APBA1: variants seen among roughly 807,000 people sequenced by gnomAD.
The protein encoded by APBA1 is amyloid beta precursor protein binding family A member 1.
APBA1 carries 55 observed loss-of-function variants against 86.6 expected under a neutral mutation model. The observed-to-expected ratio is 0.64, with a 90% CI of 0.51 to 0.80. The LOEUF (loss-of-function observed/expected upper bound fraction) is 0.80, where lower values mean the gene tolerates loss of function less well. APBA1 is among the 30% of genes least tolerant of loss of function. The probability of loss-of-function intolerance (pLI) is 0.00; values close to 1 mark genes in which losing one functional copy is unlikely to be tolerated. For synonymous variants in APBA1, 511 were observed against 493.9 expected (o/e 1.03, Z -0.46); for missense variants, 1,090 against 1,183.0 (o/e 0.92, Z 1.15).
At chr9:69,484,035 AT>A (rs2133849758) in intron 2 of APBA1, among the ~76,000 whole-genome samples, 1 of 151,990 alleles carries the variant, frequency 6.6e-6, no homozygotes, top group African/African-American at 2.4e-5. Flanking sequence ...GTACGATTCT[AT>A]TTTTTCCCCC....
chr9:69,473,751 TA>T (rs918348975), intron 3 of APBA1, among the ~76,000 whole-genome samples: 3 of 151,426 alleles, frequency 2.0e-5, no homozygotes, highest in South Asian at 2.1e-4. Flanking sequence ...TTACCATCTT[TA>T]AAAAAAAAGC....
At chr9:69,483,782 C>T (rs1835562521) in intron 2 of APBA1, among the ~76,000 whole-genome samples, 1 of 152,152 alleles carries the variant, frequency 6.6e-6, no homozygotes, top group Middle Eastern at 3.4e-3. Flanking sequence ...GTGGGGAAGC[C>T]AAGAGGGCAG....
intron 1 of APBA1, among the ~76,000 whole-genome samples, chr9:69,636,724 A>G (rs112987040): frequency 0.051 from 7,579 of 148,850 alleles, 290 homozygotes; most frequent in African/African-American, 0.1. Context: ...AGCCTGGAGA[A>G]GTTGAGGCTG....
intron 1 of APBA1, among the ~76,000 whole-genome samples, chr9:69,655,763 C>T (rs578045654): frequency 2.0e-5 from 3 of 151,604 alleles, no homozygotes; most frequent in South Asian, 4.1e-4. Flanking sequence ...GTAACCAAAG[C>T]GATCTTGAGA....
At chr9:69,461,932 G>C (rs1197938827) in intron 5 of APBA1, 4 of 152,064 alleles carry the variant, frequency 2.6e-5, no homozygotes, top group Non-Finnish European at 1.5e-5. Flanking sequence ...AACTAAGCTG[G>C]GAAATGCTAC....
At chr9:69,521,338 C>G (rs1836248563) in intron 1 of APBA1, among the ~76,000 whole-genome samples, 1 of 152,212 alleles carries the variant, frequency 6.6e-6, no homozygotes, top group Non-Finnish European at 1.5e-5. Context: ...TTGGCCCTAA[C>G]TGCCCTCCCT....
chr9:69,571,930 C>T (rs1011545662), intron 1 of APBA1, among the ~76,000 whole-genome samples: 7 of 152,170 alleles, frequency 4.6e-5, no homozygotes, highest in African/African-American at 1.4e-4. Flanking sequence ...GAGCTAAGGG[C>T]ACAGGCATAG....
At chr9:69,602,873 G>T (rs1822381901) in intron 1 of APBA1, among the ~76,000 whole-genome samples, 1 of 152,086 alleles carries the variant, frequency 6.6e-6, no homozygotes, top group Non-Finnish European at 1.5e-5. Flanking sequence ...GCAAGAAAAA[G>T]AATATGCTTA....
intron 1 of APBA1, among the ~76,000 whole-genome samples, chr9:69,661,601 G>T (rs1022699568): frequency 7.5e-5 from 1 of 13,294 alleles, no homozygotes; most frequent in Non-Finnish European, 2.7e-4. Context: ...GTCTGAATGT[G>T]GTTCATCCCC....
chr9:69,439,699 A>G (rs1321622454), intron 11 of APBA1, among the ~76,000 whole-genome samples: 8 of 151,994 alleles, frequency 5.3e-5, no homozygotes, highest in African/African-American at 1.4e-4. Context: ...TTTTTTTCAA[A>G]GTTTTTCACT....
At chr9:69,491,933 T>C (rs1296974741) in intron 2 of APBA1, among the ~76,000 whole-genome samples, 1 of 151,588 alleles carries the variant, frequency 6.6e-6, no homozygotes, top group Non-Finnish European at 1.5e-5. Context: ...CCCAGCCAAT[T>C]TTTGTATTTT....
chr9:69,667,932 C>T (rs1449743281), intron 1 of APBA1, among the ~76,000 whole-genome samples: 1 of 152,154 alleles, frequency 6.6e-6, no homozygotes, highest in Non-Finnish European at 1.5e-5. Flanking sequence ...TGCACCGTCA[C>T]CCATGGGGTG....
In APBA1 at chr9:69,489,082, A is replaced by G. The variant is rs376474625; in HGVS notation, c.1201-12939T>C. Among the ~76,000 whole-genome samples, 6 of 152,028 alleles carry G rather than the reference A, an allele frequency of 3.9e-5. 1 individual carries two copies. Among genetic ancestry groups the G allele is most frequent in the Non-Finnish European group, 8.8e-5 (6 of 68,000 alleles). The stretch of plus-strand genomic sequence containing the variant: ...AAGGTAATTTATAGATTCAATGCCA[A>G]CCCCATCAAGCTACCAATGACTTTC... On this transcript the variant is annotated intron_variant, in intron 2 of 12. Transcript: ENST00000265381.
chr9:69,428,514 G>C lies in APBA1; in HGVS notation c.*2813C>G, dbSNP rs766193538. On this transcript the variant is annotated 3_prime_UTR_variant, in exon 13 of 13. Transcript: ENST00000265381. Reference sequence around the variant, plus strand: ...CCTGGACCAGGAGGGGGAGGTGAACGTGGGAGTCCAACCCCAAAGCTGAGC... The same window carrying C: ...CCTGGACCAGGAGGGGGAGGTGAACCTGGGAGTCCAACCCCAAAGCTGAGC... The C allele has an allele frequency of 6.6e-6, 1 of 152,266 alleles. No homozygotes were observed. The highest frequency in any genetic ancestry group is 2.4e-5 in the African/African-American group (1 of 41,444). 9.4% of individuals were successfully genotyped at this position (152,266 alleles called of 1,614,324 possible). A position where few individuals can be genotyped will look rare whatever the true frequency, so the allele number is the denominator to read the frequency against.
At chr9:69,602,992 A>AT (rs1465356101) in intron 1 of APBA1, among the ~76,000 whole-genome samples, 1 of 152,208 alleles carries the variant, frequency 6.6e-6, no homozygotes, top group East Asian at 1.9e-4. Flanking sequence ...AACATGTGGA[A>AT]TTTTCCCCTT....
At chr9:69,611,712 A>G (rs115543849) in intron 1 of APBA1, among the ~76,000 whole-genome samples, 1,628 of 152,278 alleles carry the variant, frequency 0.011, 27 homozygotes, top group African/African-American at 0.037. Context: ...CTCATGACTA[A>G]AATTCTAAAA....
At chr9:69,548,741 CCCT>C (rs1335895657) in intron 1 of APBA1, among the ~76,000 whole-genome samples, 1 of 152,202 alleles carries the variant, frequency 6.6e-6, no homozygotes, top group Non-Finnish European at 1.5e-5. Context: ...GTCACACATG[CCCT>C]CAGGGCTGGC....
chr9:69,609,255 AG>A (rs1378152460), intron 1 of APBA1, among the ~76,000 whole-genome samples: 1 of 152,200 alleles, frequency 6.6e-6, no homozygotes, highest in Non-Finnish European at 1.5e-5. Context: ...AAATAGAGCC[AG>A]GGGAGGACAT....
At chr9:69,494,829 T>C (rs180839198) in intron 2 of APBA1, among the ~76,000 whole-genome samples, 8 of 152,260 alleles carry the variant, frequency 5.3e-5, no homozygotes, top group Non-Finnish European at 8.8e-5. Flanking sequence ...AGAACAGTCA[T>C]AGTGACCATT....
Sources: gnomAD v4.1 joint callset for allele counts (sites outside exome capture counted in the v4.1 genomes callset) on GRCh38, gnomAD v4.1.1 for gene constraint, MANE v1.5 for transcripts, NCBI Gene and HGNC (gene_info 2026-07-23, HGNC 2026-07-21) for gene names.